Variants in EFCAB13 observed in about 807,000 individuals in gnomAD.
EFCAB13 encodes the protein EF-hand calcium-binding domain-containing protein 13.
In EFCAB13, 91 loss-of-function variants were observed where a neutral mutation model predicts 110.2. The observed-to-expected ratio is 0.83, with a 90% CI of 0.70 to 0.98. The LOEUF (loss-of-function observed/expected upper bound fraction) is 0.98, where lower values mean the gene tolerates loss of function less well. EFCAB13 is among the 50% of genes least tolerant of loss of function. The pLI, the probability that EFCAB13 is intolerant of heterozygous loss-of-function variation, is 0.00. For missense variants in EFCAB13, 968 were observed against 1,119.4 expected (o/e 0.86, Z 1.93); for synonymous variants, 323 against 369.9 (o/e 0.87, Z 1.45).
chr17:47,359,500 T>C (rs1598732184), intron 9 of EFCAB13, among the ~76,000 whole-genome samples: 1 of 150,212 alleles, frequency 6.7e-6, no homozygotes, highest in Non-Finnish European at 1.5e-5. Flanking sequence ...CCGTCTGAAA[T>C]TGATAATGGG....
chr17:47,423,773 T>C (rs1904818300), intron 23 of EFCAB13, among the ~76,000 whole-genome samples: 2 of 151,576 alleles, frequency 1.3e-5, no homozygotes, highest in South Asian at 2.1e-4. Context: ...GAAGCGGTGG[T>C]GGTCGGCCAG....
rs1274873966 is a variant in EFCAB13 at position 47,415,911 on chromosome 17, G to A, written c.2494+992G>A. On this transcript the variant is annotated intron_variant, in intron 23 of 24. Transcript: ENST00000331493. ...GTTCGTCTTATTCTTTTTGAAATTA[G>A]GGAGACCATTTCAACACCAACATAT... Among the ~76,000 whole-genome samples the A allele has an allele frequency of 2.6e-5, 4 of 151,836 alleles. 1 individual carries two copies. Among genetic ancestry groups the A allele is most frequent in the African/African-American group, 9.7e-5 (4 of 41,288 alleles).
intron 14 of EFCAB13, among the ~76,000 whole-genome samples, chr17:47,388,121 G>A (rs539309865): frequency 2.0e-5 from 3 of 152,278 alleles, no homozygotes; most frequent in Admixed American, 2.0e-4. Flanking sequence ...GGGGTTGCTG[G>A]TCCCACCTCT....
intron 15 of EFCAB13, among the ~76,000 whole-genome samples, chr17:47,393,620 G>A (rs1258334270): frequency 6.6e-6 from 1 of 152,012 alleles, no homozygotes; most frequent in Non-Finnish European, 1.5e-5. Flanking sequence ...GGAGGCTGAG[G>A]TGGGAGAATC....
rs753458287 is a variant in EFCAB13, at chr17:47,374,840, C to T, written c.1246C>T (p.Leu416Phe). 3 of 1,613,752 alleles carry T rather than the reference C, an allele frequency of 1.9e-6. No individual in the cohort carries two copies. The African/African-American group carries it at 4.0e-5, about 22-fold the overall frequency. Residue 416 changes from leucine to phenylalanine, a missense_variant, in exon 12 of 25, where the codon CTC becomes TTC. Transcript: ENST00000331493. ...ACAAAGCTTGAAGAGTAGTACAAGC[C>T]TCAGTAAGTCTCTGGATAAAAGTGA... ...KPQSLKSSTS[L>F]SKSLDKSDIS...
At chr17:47,343,707 T>G (rs1271943339) in intron 6 of EFCAB13, among the ~76,000 whole-genome samples, 1 of 152,170 alleles carries the variant, frequency 6.6e-6, no homozygotes, top group Non-Finnish European at 1.5e-5. Flanking sequence ...TGTTTATACA[T>G]GCAATCTTAA....
intron 5 of EFCAB13, among the ~76,000 whole-genome samples, chr17:47,340,766 ATTTTTTTTT>A (rs58304526): frequency 1.9e-5 from 1 of 53,992 alleles, no homozygotes; most frequent in African/African-American, 9.2e-5. Flanking sequence ...CACCTGGCTA[ATTTTTTTTT>A]TTTTTTTTTT....
chr17:47,395,803 T>G (rs2143422862), intron 16 of EFCAB13, 31 bp from the exon 17 acceptor site: 1 of 1,554,294 alleles, frequency 6.4e-7, no homozygotes, highest in South Asian at 1.3e-5. Flanking sequence ...GCATAAGCAT[T>G]CGTAAAACTT....
In EFCAB13 at chr17:47,374,735, C is replaced by T. The variant is rs1664302351; in HGVS notation, c.1141C>T (p.Gln381Ter). Residue 381 changes from glutamine to a stop codon, truncating the protein, a stop_gained, in exon 12 of 25, where the codon CAA becomes TAA. Coordinates refer to ENST00000331493, the MANE Select transcript of EFCAB13 (RefSeq NM_152347.5). LOFTEE classifies it high-confidence loss of function. ...GGTTGGCAGCAGTAATGTAGGAGTC[C>T]AAGAACCATATTCAAAGAATGGCAT... ...GGVGSSNVGV[Q>*]EPYSKNGINF... 1 of 1,613,872 alleles carries T rather than the reference C, an allele frequency of 6.2e-7. No homozygotes were observed. The highest frequency in any genetic ancestry group is 8.5e-7 in the Non-Finnish European group (1 of 1,179,952).
At chr17:47,334,752 C>T (rs1221440456) in intron 4 of EFCAB13, among the ~76,000 whole-genome samples, 1 of 151,974 alleles carries the variant, frequency 6.6e-6, no homozygotes, top group South Asian at 2.1e-4. Flanking sequence ...CTCGTCTCTA[C>T]GAATAATAAA....
chr17:47,394,877 A>G (rs1311072029), intron 16 of EFCAB13, among the ~76,000 whole-genome samples: 3 of 152,236 alleles, frequency 2.0e-5, no homozygotes, highest in South Asian at 2.1e-4. Context: ...TATATAGTAT[A>G]TTACCTAATC....
chr17:47,430,006 C>T, intron 24 of EFCAB13, 45 bp downstream of exon 24: 1 of 1,525,580 alleles, frequency 6.6e-7, no homozygotes, highest in African/African-American at 1.4e-5. Context: ...CATCCTCTAC[C>T]ACAGGGGTGG....
At chr17:47,389,755 A>G (rs2065696086) in intron 14 of EFCAB13, among the ~76,000 whole-genome samples, 1 of 152,134 alleles carries the variant, frequency 6.6e-6, no homozygotes, top group Non-Finnish European at 1.5e-5. Context: ...AGCTGAGCTG[A>G]TGAAAGAAAA....
intron 10 of EFCAB13, among the ~76,000 whole-genome samples, chr17:47,364,867 T>C (rs1438533235): frequency 6.6e-6 from 1 of 152,258 alleles, no homozygotes; most frequent in Non-Finnish European, 1.5e-5. Flanking sequence ...TCTGAGACCA[T>C]ATTCTTCCTT....
At chr17:47,358,193 T>A (rs568906839) in intron 9 of EFCAB13, among the ~76,000 whole-genome samples, 33 of 152,278 alleles carry the variant, frequency 2.2e-4, no homozygotes, top group African/African-American at 7.7e-4. Flanking sequence ...TACATACATA[T>A]AATTTATGTT....
At chr17:47,325,942 A>ATATATCATATATATAT (rs945939363) in intron 2 of EFCAB13, among the ~76,000 whole-genome samples, 2 of 62,000 alleles carry the variant, frequency 3.2e-5, no homozygotes, top group Admixed American at 3.2e-4. Flanking sequence ...ATATATATAT[A>ATATATCATATATATAT]TATATATATA....
In EFCAB13 at chr17:47,431,718, A is replaced by G. The variant is rs1241022434; in HGVS notation, c.2638+1757A>G. On this transcript the variant is annotated intron_variant, in intron 24 of 24. Coordinates refer to ENST00000331493, the MANE Select transcript of EFCAB13 (RefSeq NM_152347.5). This position sits in a 1 kb window ranked among gnomAD's most constrained non-coding sequence, Gnocchi z 4.1. ...TTTTAGTAAATATTTTATGTGATTG[A>G]GAAGAATATATAGTCTGCAGTTGGG... Among the ~76,000 whole-genome samples the G allele has an allele frequency of 6.6e-6, 1 of 152,172 alleles. No homozygotes were observed. The highest frequency in any genetic ancestry group is 1.5e-5 in the Non-Finnish European group (1 of 68,024).
chr17:47,414,251 G>GTT (rs1904348647), intron 22 of EFCAB13, among the ~76,000 whole-genome samples: 1 of 151,802 alleles, frequency 6.6e-6, no homozygotes, highest in Non-Finnish European at 1.5e-5. Flanking sequence ...GTGTGTGTGT[G>GTT]CACGTGCGTG....
chr17:47,428,080 T>A (rs1233745109), intron 23 of EFCAB13, among the ~76,000 whole-genome samples: 1 of 152,080 alleles, frequency 6.6e-6, no homozygotes, highest in Non-Finnish European at 1.5e-5. Flanking sequence ...TCTTGGACTT[T>A]AAACATTTCT....
Sources: allele counts gnomAD v4.1 joint callset (sites outside exome capture counted in the v4.1 genomes callset), GRCh38; gene constraint gnomAD v4.1.1; non-coding constraint Gnocchi (gnomAD v3.1); transcripts MANE v1.5; gene names NCBI Gene and HGNC (gene_info 2026-07-23, HGNC 2026-07-21).